The following ADAMTS12 variants were observed in gnomAD, a reference collection of about 807,000 sequenced individuals.
ADAMTS12 encodes ADAM metallopeptidase with thrombospondin type 1 motif 12.
Under a neutral mutation model 167.8 loss-of-function variants are expected in ADAMTS12, and 118 were observed. That is an observed-to-expected ratio of 0.70 (90% CI 0.61 to 0.82). ADAMTS12 has a LOEUF of 0.82. Among genes scored for constraint, ADAMTS12 ranks in the 40% least tolerant of loss-of-function variants. ADAMTS12 has a pLI of 0.00. For synonymous variants in ADAMTS12, 704 were observed against 716.9 expected (o/e 0.98, Z 0.29); for missense variants, 1,916 against 1,998.8 (o/e 0.96, Z 0.79).
intron 3 of ADAMTS12, among the ~76,000 whole-genome samples, chr5:33,699,585 G>A (rs966856): frequency 0.86 from 130,134 of 152,148 alleles, 55,890 homozygotes; most frequent in Non-Finnish European, 0.89. Flanking sequence ...CTCTGCCCAT[G>A]TGAAATCTGG....
intron 2 of ADAMTS12, among the ~76,000 whole-genome samples, chr5:33,796,204 G>A (rs112951952): frequency 2.6e-5 from 4 of 152,266 alleles, no homozygotes; most frequent in East Asian, 1.9e-4. Flanking sequence ...AGCATAAAGC[G>A]TGGCATACTC....
chr5:33,594,836 A>AT (rs368963221), intron 17 of ADAMTS12, among the ~76,000 whole-genome samples: 1 of 151,898 alleles, frequency 6.6e-6, no homozygotes, highest in African/African-American at 2.4e-5. Context: ...GACTGACATC[A>AT]TTTTTTTCAA....
chr5:33,726,732 A>G (rs1743995034), intron 3 of ADAMTS12, among the ~76,000 whole-genome samples: 1 of 151,630 alleles, frequency 6.6e-6, no homozygotes, highest in Admixed American at 6.6e-5. Flanking sequence ...GAGTTAACAT[A>G]TTAGATTGCA....
At position 33,560,919 on chromosome 5, in the gene ADAMTS12, A is replaced by G. The variant is rs1161094652; in HGVS notation, c.4125+108T>C. On this transcript the variant is annotated intron_variant, in intron 20 of 23. Coordinates refer to ENST00000504830, the MANE Select transcript of ADAMTS12 (RefSeq NM_030955.4). ...ATGTACCCTAGAACTTTAATTAAGAAAAAGAAAAAAAAAAAAAACGACTTT... is the reference window on the plus strand; with the variant it reads ...ATGTACCCTAGAACTTTAATTAAGAGAAAGAAAAAAAAAAAAAACGACTTT... The G allele has an allele frequency of 6.7e-6, 9 of 1,347,402 alleles. No homozygotes were observed. In the Admixed American group the frequency reaches 2.1e-4, roughly 32 times the overall value. 83.5% of individuals were successfully genotyped at this position (1,347,402 alleles called of 1,614,324 possible). A position where few individuals can be genotyped will look rare whatever the true frequency, so the allele number is the denominator to read the frequency against.
intron 5 of ADAMTS12, among the ~76,000 whole-genome samples, chr5:33,663,242 C>A (rs1264414374): frequency 6.6e-6 from 1 of 152,172 alleles, no homozygotes; most frequent in Non-Finnish European, 1.5e-5. Flanking sequence ...CATCACCCAG[C>A]AGAATGATAT....
Position 33,728,760 on chromosome 5 carries a change from G to T in ADAMTS12, c.634+22644C>A, listed in dbSNP as rs566979288. Among the ~76,000 whole-genome samples, 5 of 152,324 alleles carry T rather than the reference G, an allele frequency of 3.3e-5. No individual in the cohort carries two copies. In the South Asian group the frequency reaches 1.0e-3, roughly 32 times the overall value. On this transcript the variant is annotated intron_variant, in intron 3 of 23. Coordinates refer to ENST00000504830, the MANE Select transcript of ADAMTS12 (RefSeq NM_030955.4). ...AGGGGAAGGCCATCAGAACAGTCATGGAGAGAAAAGATTTCTAGAATCAAA... is the reference window on the plus strand; with the variant it reads ...AGGGGAAGGCCATCAGAACAGTCATTGAGAGAAAAGATTTCTAGAATCAAA...
chr5:33,750,079 G>A (rs931636141), intron 3 of ADAMTS12, among the ~76,000 whole-genome samples: 2 of 152,146 alleles, frequency 1.3e-5, no homozygotes, highest in African/African-American at 4.8e-5. Flanking sequence ...CAATTATCCA[G>A]GTGACTGGAT....
At chr5:33,659,689 A>C (rs1362488758) in intron 6 of ADAMTS12, among the ~76,000 whole-genome samples, 1 of 152,216 alleles carries the variant, frequency 6.6e-6, no homozygotes, top group African/African-American at 2.4e-5. Context: ...ACTATGTAAC[A>C]GAAAATATGC....
chr5:33,746,552 T>TA (rs1157585920), intron 3 of ADAMTS12, among the ~76,000 whole-genome samples: 3 of 152,162 alleles, frequency 2.0e-5, no homozygotes, highest in Non-Finnish European at 4.4e-5. Flanking sequence ...ATTAAGCCCC[T>TA]AACAATAGTA....
intron 2 of ADAMTS12, among the ~76,000 whole-genome samples, chr5:33,798,920 C>A (rs558810861): frequency 6.6e-6 from 1 of 152,252 alleles, no homozygotes; most frequent in African/African-American, 2.4e-5. Context: ...TAGAAGGGCT[C>A]TGTGGCATCT....
chr5:33,632,473 C>A (rs1323152745), intron 12 of ADAMTS12, among the ~76,000 whole-genome samples: 1 of 151,994 alleles, frequency 6.6e-6, no homozygotes, highest in Non-Finnish European at 1.5e-5. Context: ...CAACTGATTT[C>A]ATATAAGGTG....
At chr5:33,871,192 T>C (rs1750026425) in intron 2 of ADAMTS12, among the ~76,000 whole-genome samples, 2 of 152,218 alleles carry the variant, frequency 1.3e-5, no homozygotes, top group South Asian at 4.1e-4. Context: ...ATGTTAAGAA[T>C]ATAAAGTTCA....
chr5:33,799,852 A>G (rs1398365175), intron 2 of ADAMTS12, among the ~76,000 whole-genome samples: 3 of 152,196 alleles, frequency 2.0e-5, no homozygotes, highest in Non-Finnish European at 4.4e-5. Flanking sequence ...TCCCTCTTAT[A>G]TGTGACATAC....
At chr5:33,834,376 TA>T (rs552871183) in intron 2 of ADAMTS12, among the ~76,000 whole-genome samples, 324 of 152,300 alleles carry the variant, frequency 2.1e-3, no homozygotes, top group African/African-American at 7.5e-3. Context: ...GTGTTTCAAA[TA>T]TTCTACAATA....
At chr5:33,838,553 C>CAT (rs1748618032) in intron 2 of ADAMTS12, among the ~76,000 whole-genome samples, 1 of 152,096 alleles carries the variant, frequency 6.6e-6, no homozygotes, top group Non-Finnish European at 1.5e-5. Flanking sequence ...TGTGATGGTG[C>CAT]ATGCCTGTAG....
intron 2 of ADAMTS12, among the ~76,000 whole-genome samples, chr5:33,829,392 G>A (rs1413044803): frequency 1.3e-5 from 2 of 152,022 alleles, no homozygotes; most frequent in African/African-American, 4.8e-5. Context: ...ATAGTACTTT[G>A]AGTTGCTGTT....
At chr5:33,603,257 A>G (rs1317370851) in intron 16 of ADAMTS12, among the ~76,000 whole-genome samples, 2 of 152,218 alleles carry the variant, frequency 1.3e-5, no homozygotes, top group African/African-American at 2.4e-5. Flanking sequence ...TGGCTTTTGC[A>G]TCTCTCTAAA....
intron 3 of ADAMTS12, among the ~76,000 whole-genome samples, chr5:33,705,070 T>C (rs1205285045): frequency 6.6e-6 from 1 of 152,026 alleles, no homozygotes; most frequent in Non-Finnish European, 1.5e-5. Flanking sequence ...CCAGCCTTCC[T>C]CCGAGACCCC....
At chr5:33,793,067 G>A (rs1468711815) in intron 2 of ADAMTS12, among the ~76,000 whole-genome samples, 1 of 152,242 alleles carries the variant, frequency 6.6e-6, no homozygotes, top group Non-Finnish European at 1.5e-5. Flanking sequence ...GTGCCACAGT[G>A]GATCACTGGG....
Sources: allele counts gnomAD v4.1 joint callset (sites outside exome capture counted in the v4.1 genomes callset), GRCh38; gene constraint gnomAD v4.1.1; transcripts MANE v1.5; gene names NCBI Gene and HGNC (gene_info 2026-07-23, HGNC 2026-07-21).